Variants in AFF3 observed in about 807,000 individuals in gnomAD.
AFF3 encodes ALF transcription elongation factor 3.
Under a neutral mutation model 129.7 loss-of-function variants are expected in AFF3, and 32 were observed. That is an observed-to-expected ratio of 0.25 (90% CI 0.19 to 0.33). AFF3 has a LOEUF of 0.33. Ranked by LOEUF, AFF3 falls within the 10% of genes least tolerant of loss-of-function variation. The probability of loss-of-function intolerance (pLI) is 1.00; values close to 1 mark genes in which losing one functional copy is unlikely to be tolerated. For synonymous variants in AFF3, 644 were observed against 635.4 expected, an observed-to-expected ratio of 1.01 and a Z score of -0.20; for missense variants, 1,373 against 1,592.0, an observed-to-expected ratio of 0.86 and a Z score of 2.34.
chr2:99,566,263 T>C (rs1268058484), intron 19 of AFF3, among the ~76,000 whole-genome samples: 1 of 151,632 alleles, frequency 6.6e-6, no homozygotes, highest in East Asian at 1.9e-4. Context: ...TTTTTTTTTT[T>C]TGTTGTTGTT....
intron 11 of AFF3, among the ~76,000 whole-genome samples, chr2:99,697,332 T>C (rs1676388384): frequency 1.3e-5 from 2 of 152,346 alleles, no homozygotes; most frequent in African/African-American, 4.8e-5. Flanking sequence ...CTTCTGCCCA[T>C]CACTGTCCTG....
chr2:99,653,452 C>G lies in AFF3; in HGVS notation c.1144-3786G>C, dbSNP rs562054482. On this transcript the variant is annotated intron_variant, in intron 12 of 24. Coordinates refer to ENST00000672756, the MANE Select transcript of AFF3 (RefSeq NM_001386135.1). Reference sequence around the variant, plus strand: ...TTTTCTCTCCCACCTCCAAACAATTCCTGCTGACTTCTGTGATACGGAAAC... The same window carrying G: ...TTTTCTCTCCCACCTCCAAACAATTGCTGCTGACTTCTGTGATACGGAAAC... Among the ~76,000 whole-genome samples the G allele has an allele frequency of 1.4e-3, 206 of 152,338 alleles. 1 individual carries two copies. Among genetic ancestry groups the G allele is most frequent in the African/African-American group, 4.6e-3 (191 of 41,578 alleles).
intron 13 of AFF3, among the ~76,000 whole-genome samples, chr2:99,603,034 C>T (rs771221413): frequency 1.3e-5 from 2 of 152,164 alleles, no homozygotes; most frequent in Admixed American, 6.5e-5. Flanking sequence ...ACCAATGTCA[C>T]GGTCCACACT....
At position 99,546,235 on chromosome 2, in the gene AFF3, C is replaced by T. The variant is rs892061612; in HGVS notation, c.*5239G>A. On this transcript the variant is annotated 3_prime_UTR_variant, in exon 25 of 25. Transcript: ENST00000672756. Reference sequence around the variant, plus strand: ...TAGCAGGCAAAGCTACAGAAGAGAACGTTCTTGAAAGACTGCTGGGTGTTT... The same window carrying T: ...TAGCAGGCAAAGCTACAGAAGAGAATGTTCTTGAAAGACTGCTGGGTGTTT... The T allele has an allele frequency of 4.3e-5, 10 of 232,068 alleles. No individual in the cohort carries two copies. The South Asian group carries it at 1.3e-3, about 29-fold the overall frequency. The allele number at this position is 232,068 out of a possible 1,614,324, so 14.4% of individuals were successfully genotyped here. A position where few individuals can be genotyped will look rare whatever the true frequency, so the allele number is the denominator to read the frequency against.
intron 13 of AFF3, among the ~76,000 whole-genome samples, chr2:99,607,759 T>A (rs1680518261): frequency 6.6e-6 from 1 of 152,274 alleles, no homozygotes; most frequent in Admixed American, 6.5e-5. Context: ...CCACTGGGAT[T>A]GACTGAATAA....
chr2:99,999,586 G>A (rs184395282), intron 7 of AFF3, among the ~76,000 whole-genome samples: 15 of 152,164 alleles, frequency 9.9e-5, no homozygotes, highest in Admixed American at 2.6e-4. Context: ...AACCCATCTG[G>A]GGTTGGACAC....
chr2:100,135,624 T>C (rs1692608763), intron 1 of AFF3, among the ~76,000 whole-genome samples: 1 of 152,196 alleles, frequency 6.6e-6, no homozygotes, highest in Non-Finnish European at 1.5e-5. Context: ...CCCAGATTCA[T>C]GACCCATGAC....
chr2:100,083,738 G>C (rs1221488002), intron 4 of AFF3, among the ~76,000 whole-genome samples: 2 of 152,108 alleles, frequency 1.3e-5, no homozygotes, highest in Non-Finnish European at 2.9e-5. Context: ...CAGAAATGCA[G>C]AGACGATGAG....
intron 13 of AFF3, among the ~76,000 whole-genome samples, chr2:99,645,441 C>G (rs531094622): frequency 1.3e-5 from 2 of 152,268 alleles, no homozygotes; most frequent in African/African-American, 4.8e-5. Context: ...CTCTGGTAGG[C>G]CAGTTGACTC....
chr2:99,695,951 A>C (rs1421071783), intron 11 of AFF3, among the ~76,000 whole-genome samples: 5 of 138,240 alleles, frequency 3.6e-5, no homozygotes, highest in South Asian at 4.5e-4. Context: ...AAAAAAAAAA[A>C]AAAAAAAAAC....
intron 8 of AFF3, among the ~76,000 whole-genome samples, chr2:99,812,663 C>T (rs961910910): frequency 2.0e-5 from 3 of 152,190 alleles, no homozygotes; most frequent in African/African-American, 7.2e-5. Context: ...GCATAAATTG[C>T]AGTTCCTATT....
At chr2:99,969,520 C>T (rs1387505801) in intron 7 of AFF3, among the ~76,000 whole-genome samples, 3 of 115,536 alleles carry the variant, frequency 2.6e-5, no homozygotes, top group East Asian at 3.9e-4. Context: ...CAGAGTTTCA[C>T]TCTTGTTGCC....
intron 7 of AFF3, among the ~76,000 whole-genome samples, chr2:99,968,429 G>C (rs1260390669): frequency 6.6e-6 from 1 of 152,158 alleles, no homozygotes; most frequent in Non-Finnish European, 1.5e-5. Flanking sequence ...TACTCTGTCT[G>C]TCACAATCAT....
At chr2:99,766,865 T>C (rs1027675945) in intron 8 of AFF3, among the ~76,000 whole-genome samples, 1 of 152,240 alleles carries the variant, frequency 6.6e-6, no homozygotes, top group Admixed American at 6.5e-5. Context: ...ACTTGCTAAA[T>C]GTGTCTTTAA....
chr2:99,756,127 C>G (rs2105233556), intron 8 of AFF3, among the ~76,000 whole-genome samples: 1 of 152,280 alleles, frequency 6.6e-6, no homozygotes, highest in African/African-American at 2.4e-5. Flanking sequence ...TAAAGATGAT[C>G]TGCATCTTTC....
intron 22 of AFF3, among the ~76,000 whole-genome samples, chr2:99,558,098 G>A (rs1675118777): frequency 6.6e-6 from 1 of 152,156 alleles, no homozygotes. Flanking sequence ...GCTACACACT[G>A]CTATCTACTG....
intron 19 of AFF3, among the ~76,000 whole-genome samples, chr2:99,567,935 C>T (rs1248226285): frequency 6.6e-6 from 1 of 152,206 alleles, no homozygotes; most frequent in African/African-American, 2.4e-5. Flanking sequence ...GTCCATCAGA[C>T]TCAGATTGTG....
intron 13 of AFF3, among the ~76,000 whole-genome samples, chr2:99,638,283 C>T (rs1186533718): frequency 1.3e-5 from 2 of 152,212 alleles, no homozygotes; most frequent in Non-Finnish European, 2.9e-5. Flanking sequence ...TGGTCTCAAA[C>T]TCCTGACCTC....
intron 12 of AFF3, among the ~76,000 whole-genome samples, chr2:99,664,998 T>C (rs1275207631): frequency 6.6e-6 from 1 of 151,878 alleles, no homozygotes; most frequent in Non-Finnish European, 1.5e-5. Context: ...CCAACATGAG[T>C]AGGTGTTAGC....
Sources: gnomAD v4.1 joint callset for allele counts (sites outside exome capture counted in the v4.1 genomes callset) on GRCh38, gnomAD v4.1.1 for gene constraint, MANE v1.5 for transcripts, NCBI Gene and HGNC (gene_info 2026-07-23, HGNC 2026-07-21) for gene names.